The following CADM2 variants were observed in gnomAD, a reference collection of about 807,000 sequenced individuals.
CADM2 encodes cell adhesion molecule 2.
In CADM2, 12 loss-of-function variants were observed where a neutral mutation model predicts 49.8. The ratio of observed to expected loss-of-function variants is 0.24; its 90% CI spans 0.15 to 0.39. The LOEUF (loss-of-function observed/expected upper bound fraction) is 0.39, where lower values mean the gene tolerates loss of function less well. Ranked by LOEUF, CADM2 falls within the 10% of genes least tolerant of loss-of-function variation. CADM2 has a pLI of 1.00. For synonymous variants in CADM2, 214 were observed against 175.4 expected, an observed-to-expected ratio of 1.22 and a Z score of -1.74; for missense variants, 378 against 492.3, an observed-to-expected ratio of 0.77 and a Z score of 2.20.
At chr3:85,823,568 T>A (rs2073727892) in intron 3 of CADM2, among the ~76,000 whole-genome samples, 1 of 152,150 alleles carries the variant, frequency 6.6e-6, no homozygotes, top group Non-Finnish European at 1.5e-5. Flanking sequence ...AGGAGCACTG[T>A]TATGTGGAAA....
intron 1 of CADM2, among the ~76,000 whole-genome samples, chr3:85,496,895 G>A (rs907338834): frequency 2.0e-5 from 3 of 152,134 alleles, no homozygotes; most frequent in East Asian, 3.9e-4. Context: ...CCAGGCTGGA[G>A]TGCAATGGCG....
At chr3:85,942,996 G>T (rs1258149270) in intron 7 of CADM2, among the ~76,000 whole-genome samples, 2 of 152,042 alleles carry the variant, frequency 1.3e-5, no homozygotes, top group African/African-American at 4.8e-5. Context: ...TCCAGCACCT[G>T]TTGTTTCCTG....
intron 1 of CADM2, among the ~76,000 whole-genome samples, chr3:85,388,224 C>A (rs1002222820): frequency 6.6e-6 from 1 of 152,114 alleles, no homozygotes; most frequent in Non-Finnish European, 1.5e-5. Flanking sequence ...TGAGGTCTCA[C>A]CAAGTTGCCC....
At chr3:85,445,888 T>C (rs2037426211) in intron 1 of CADM2, among the ~76,000 whole-genome samples, 2 of 152,166 alleles carry the variant, frequency 1.3e-5, no homozygotes, top group African/African-American at 4.8e-5. Flanking sequence ...TACTGTTACA[T>C]GCAATATACT....
At chr3:85,131,367 C>G (rs1283230147) in intron 1 of CADM2, among the ~76,000 whole-genome samples, 24 of 152,142 alleles carry the variant, frequency 1.6e-4, no homozygotes, top group Non-Finnish European at 3.2e-4. Flanking sequence ...GTTAAGACCT[C>G]AATGTCCAAA....
intron 8 of CADM2, among the ~76,000 whole-genome samples, chr3:86,001,488 A>C (rs765724462): frequency 1.3e-5 from 2 of 152,092 alleles, no homozygotes; most frequent in African/African-American, 2.4e-5. Flanking sequence ...AATGGATATG[A>C]GTGCTTTGAT....
intron 2 of CADM2, among the ~76,000 whole-genome samples, chr3:85,792,755 G>T (rs922268850): frequency 6.6e-6 from 1 of 152,186 alleles, no homozygotes; most frequent in Non-Finnish European, 1.5e-5. Context: ...TGTTATTTTC[G>T]AAAGCAGAGT....
chr3:85,343,300 T>C (rs2030143195), intron 1 of CADM2, among the ~76,000 whole-genome samples: 1 of 152,172 alleles, frequency 6.6e-6, no homozygotes, highest in Non-Finnish European at 1.5e-5. Flanking sequence ...ACATATTTTG[T>C]CTAAAAGTAC....
intron 2 of CADM2, among the ~76,000 whole-genome samples, chr3:85,758,474 G>T (rs1454442303): frequency 6.6e-6 from 1 of 152,118 alleles, no homozygotes; most frequent in East Asian, 1.9e-4. Flanking sequence ...ACCTTGTGGA[G>T]AAATACTTTG....
At chr3:85,024,239 C>G (rs532179398) in intron 1 of CADM2, among the ~76,000 whole-genome samples, 1 of 152,254 alleles carries the variant, frequency 6.6e-6, no homozygotes, top group African/African-American at 2.4e-5. Flanking sequence ...GAGCCCAACA[C>G]TGGCCTGTGC....
chr3:86,029,622 G>A (rs577052927), intron 8 of CADM2, among the ~76,000 whole-genome samples: 2 of 151,792 alleles, frequency 1.3e-5, no homozygotes, highest in Admixed American at 6.6e-5. Flanking sequence ...TCAATGTATC[G>A]GAGTGCATAA....
At chr3:85,946,042 C>A (rs2108571187) in intron 7 of CADM2, among the ~76,000 whole-genome samples, 1 of 152,212 alleles carries the variant, frequency 6.6e-6, no homozygotes, top group African/African-American at 2.4e-5. Context: ...ATCATCTGAG[C>A]CCAAAATCTC....
chr3:85,343,663 G>A (rs2030205634), intron 1 of CADM2, among the ~76,000 whole-genome samples: 2 of 152,262 alleles, frequency 1.3e-5, no homozygotes, highest in South Asian at 4.1e-4. Flanking sequence ...AATAGTGTAA[G>A]AAACACAAGC....
chr3:85,267,141 A>G (rs76558522), intron 1 of CADM2, among the ~76,000 whole-genome samples: 2 of 151,234 alleles, frequency 1.3e-5, no homozygotes, highest in Non-Finnish European at 3.0e-5. Context: ...AAGATTAACC[A>G]TAATTTGAAG....
chr3:85,509,518 T>G (rs2040514886), intron 1 of CADM2, among the ~76,000 whole-genome samples: 1 of 152,148 alleles, frequency 6.6e-6, no homozygotes, highest in Admixed American at 6.5e-5. Flanking sequence ...ATGACATGTT[T>G]AACAGATTCA....
At chr3:86,045,850 C>A (rs1365056723) in intron 8 of CADM2, among the ~76,000 whole-genome samples, 1 of 152,094 alleles carries the variant, frequency 6.6e-6, no homozygotes, top group African/African-American at 2.4e-5. Flanking sequence ...ACAATAAATA[C>A]CATTCTCATC....
chr3:86,013,554 G>A, intron 8 of CADM2: 1 of 1,604,064 alleles, frequency 6.2e-7, no homozygotes, highest in East Asian at 2.2e-5. Context: ...GAGGCAGATG[G>A]TAGAGATCTG....
chr3:85,359,666 A>ATATATATATATATTATT, intron 1 of CADM2, among the ~76,000 whole-genome samples: 1 of 26,556 alleles, frequency 3.8e-5, no homozygotes, highest in South Asian at 1.4e-3. Flanking sequence ...ATATATATAT[A>ATATATATATATATTATT]TTTTTTTTTT....
At chr3:85,111,608 G>A (rs1215281908) in intron 1 of CADM2, among the ~76,000 whole-genome samples, 1 of 151,574 alleles carries the variant, frequency 6.6e-6, no homozygotes, top group Non-Finnish European at 1.5e-5. Flanking sequence ...GATGAGGCTG[G>A]AAAGGATGGT....
Sources: allele counts gnomAD v4.1 joint callset (sites outside exome capture counted in the v4.1 genomes callset), GRCh38; gene constraint gnomAD v4.1.1; transcripts MANE v1.5; gene names NCBI Gene and HGNC (gene_info 2026-07-23, HGNC 2026-07-21).